The following EPB41 variants were observed in gnomAD, a reference collection of about 807,000 sequenced individuals.
The protein encoded by EPB41 is erythrocyte membrane protein band 4.1.
Under a neutral mutation model 108.0 loss-of-function variants are expected in EPB41, and 65 were observed. That is an observed-to-expected ratio of 0.60 (90% CI 0.49 to 0.74). EPB41 has a LOEUF of 0.74. Ranked by LOEUF, EPB41 falls within the 30% of genes least tolerant of loss-of-function variation. The pLI, the probability that EPB41 is intolerant of heterozygous loss-of-function variation, is 0.00. For synonymous variants in EPB41, 336 were observed against 358.9 expected (o/e 0.94, Z 0.72); for missense variants, 875 against 1,037.0 (o/e 0.84, Z 2.15).
At chr1:28,945,093 GA>G (rs1224949262) in intron 1 of EPB41, among the ~76,000 whole-genome samples, 1,740 of 96,228 alleles carry the variant, frequency 0.018, 32 homozygotes, top group African/African-American at 0.048. Flanking sequence ...CTCAAAAAAA[GA>G]AAAAAAAAAA....
chr1:29,038,257 C>T (rs1482464371), intron 10 of EPB41, among the ~76,000 whole-genome samples: 3 of 152,192 alleles, frequency 2.0e-5, no homozygotes, highest in East Asian at 1.9e-4. Context: ...TTTATGCTTT[C>T]ATCATCTCTC....
chr1:28,933,960 A>G (rs1480041224), intron 1 of EPB41, among the ~76,000 whole-genome samples: 3 of 152,158 alleles, frequency 2.0e-5, no homozygotes, highest in African/African-American at 4.8e-5. Context: ...ATTGTTAACT[A>G]AAGTTCATAT....
intron 1 of EPB41, among the ~76,000 whole-genome samples, chr1:28,926,698 T>C (rs376216339): frequency 6.6e-6 from 1 of 152,242 alleles, no homozygotes; most frequent in Non-Finnish European, 1.5e-5. Flanking sequence ...GTAGTGTGCC[T>C]GTCAGAGGTA....
At chr1:28,963,377 G>C (rs1211496974) in intron 1 of EPB41, among the ~76,000 whole-genome samples, 1 of 147,540 alleles carries the variant, frequency 6.8e-6, no homozygotes, top group Non-Finnish European at 1.5e-5. Flanking sequence ...GTGTGTGTGT[G>C]TGTGTCTGTG....
intron 17 of EPB41, among the ~76,000 whole-genome samples, chr1:29,101,868 C>G (rs1275599087): frequency 6.6e-6 from 1 of 152,022 alleles, no homozygotes; most frequent in Non-Finnish European, 1.5e-5. Flanking sequence ...CCACTGCACT[C>G]CAGCCTGGGG....
intron 5 of EPB41, 143 bp downstream of exon 5, chr1:29,012,050 G>A (rs2096511252): frequency 3.7e-6 from 3 of 821,428 alleles, no homozygotes; most frequent in Non-Finnish European, 5.8e-6. Flanking sequence ...CCTTCTCCTG[G>A]AAGGAGGAGA....
chr1:28,938,717 G>T (rs987660990), intron 1 of EPB41, among the ~76,000 whole-genome samples: 1 of 151,894 alleles, frequency 6.6e-6, no homozygotes, highest in Non-Finnish European at 1.5e-5. Context: ...ATTTTTCTGA[G>T]AGACTAGGTT....
intron 16 of EPB41, chr1:29,069,177 C>T: frequency 8.1e-7 from 1 of 1,231,628 alleles, no homozygotes; most frequent in Non-Finnish European, 1.0e-6. Context: ...CCCCTAGCTA[C>T]TTTCTCCCTG....
intron 3 of EPB41, 79 bp from the exon 4 acceptor site, chr1:28,997,136 A>G: frequency 9.5e-7 from 1 of 1,053,590 alleles, no homozygotes; most frequent in East Asian, 2.4e-5. Context: ...TGGGCAACAG[A>G]GTGAATCCCC....
chr1:28,945,621 G>A (rs1158695070), intron 1 of EPB41, among the ~76,000 whole-genome samples: 1 of 152,192 alleles, frequency 6.6e-6, no homozygotes, highest in Non-Finnish European at 1.5e-5. Flanking sequence ...TTAAGTATAA[G>A]TGTTTAATAT....
At chr1:29,075,825 G>A (rs1471815956) in intron 16 of EPB41, among the ~76,000 whole-genome samples, 2 of 152,120 alleles carry the variant, frequency 1.3e-5, no homozygotes, top group African/African-American at 2.4e-5. Context: ...AGGATGCAAA[G>A]AGTCAGCATT....
At chr1:29,089,961 G>C (rs1282950820) in intron 16 of EPB41, among the ~76,000 whole-genome samples, 1 of 152,088 alleles carries the variant, frequency 6.6e-6, no homozygotes, top group Non-Finnish European at 1.5e-5. Context: ...ATCTGGATGA[G>C]GCGTTCTAAG....
At chr1:29,080,749 G>A (rs1245074676) in intron 16 of EPB41, among the ~76,000 whole-genome samples, 1 of 152,136 alleles carries the variant, frequency 6.6e-6, no homozygotes. Flanking sequence ...CCTTGGCCAG[G>A]CTCCTTTTGC....
intron 11 of EPB41, among the ~76,000 whole-genome samples, chr1:29,042,593 C>T (rs949435715): frequency 6.6e-6 from 1 of 152,084 alleles, no homozygotes; most frequent in Non-Finnish European, 1.5e-5. Context: ...ATTCTCGTAC[C>T]TCAGCCTCCC....
intron 5 of EPB41, among the ~76,000 whole-genome samples, chr1:29,012,258 G>A (rs899845151): frequency 1.1e-4 from 17 of 152,148 alleles, no homozygotes; most frequent in African/African-American, 3.9e-4. Flanking sequence ...ACTTGAAACC[G>A]CAGTTGCCTA....
intron 19 of EPB41, among the ~76,000 whole-genome samples, chr1:29,113,590 C>T (rs488113): frequency 0.65 from 99,543 of 152,176 alleles, 34,618 homozygotes; most frequent in Non-Finnish European, 0.78. Flanking sequence ...AAAAGCAATG[C>T]GGTGAAAGGT....
At chr1:29,112,558 C>G in intron 19 of EPB41, 110 bp downstream of exon 19, 1 of 855,774 alleles carries the variant, frequency 1.2e-6, no homozygotes, top group East Asian at 2.5e-5. Flanking sequence ...TTTGGCCACT[C>G]TAGCTCTTAA....
At chr1:28,924,376 A>C (rs1416646866) in intron 1 of EPB41, among the ~76,000 whole-genome samples, 1 of 152,238 alleles carries the variant, frequency 6.6e-6, no homozygotes, top group East Asian at 1.9e-4. Flanking sequence ...TAAAAATAGA[A>C]GAATTACCTG....
chr1:29,033,234 C>A lies in EPB41; in HGVS notation c.1354C>A (p.Arg452=), dbSNP rs199751917. ...ACGTAGTAGCTTTTTCATCAAGATT[C>A]GGCCTGGAGAGGTACAGAATTTATA... ...YKRSSFFIKI[R]PGEQEQYEST... Residue 452 remains arginine, a synonymous_variant, in exon 9 of 21, where the codon CGG becomes AGG. Coordinates refer to ENST00000343067, the MANE Select transcript of EPB41 (RefSeq NM_001376013.1). 1.2e-6 allele frequency: 2 copies of A among 1,613,880 alleles called. No homozygotes were observed. Among genetic ancestry groups the A allele is most frequent in the Non-Finnish European group, 1.7e-6 (2 of 1,179,892 alleles).
Sources: gnomAD v4.1 joint callset for allele counts (sites outside exome capture counted in the v4.1 genomes callset) on GRCh38, gnomAD v4.1.1 for gene constraint, MANE v1.5 for transcripts, NCBI Gene and HGNC (gene_info 2026-07-23, HGNC 2026-07-21) for gene names.